The following RGS6 variants were observed in gnomAD, a reference collection of about 807,000 sequenced individuals.
RGS6 encodes regulator of G protein signaling 6, also known as regulator of G-protein signaling 6.
RGS6 carries 30 observed loss-of-function variants against 78.5 expected under a neutral mutation model. The ratio of observed to expected loss-of-function variants is 0.38; its 90% CI spans 0.29 to 0.52. RGS6 has a LOEUF of 0.52. Among genes scored for constraint, RGS6 ranks in the 20% least tolerant of loss-of-function variants. The probability of loss-of-function intolerance (pLI) is 0.85; values close to 1 mark genes in which losing one functional copy is unlikely to be tolerated. For missense variants in RGS6, 495 were observed against 609.7 expected (o/e 0.81, Z 1.98); for synonymous variants, 206 against 206.0 (o/e 1.00, Z 0.00).
intron 2 of RGS6, among the ~76,000 whole-genome samples, chr14:72,313,719 C>T (rs1377564592): frequency 2.0e-5 from 3 of 152,160 alleles, no homozygotes; most frequent in Non-Finnish European, 2.9e-5. Context: ...CATCATGATA[C>T]ATACAAAGGG....
intron 2 of RGS6, among the ~76,000 whole-genome samples, chr14:72,070,808 A>G (rs1258597026): frequency 3.3e-5 from 5 of 152,244 alleles, no homozygotes; most frequent in Admixed American, 2.6e-4. Context: ...GCCCAAGGCA[A>G]AAGCCAGCTT....
chr14:72,259,393 T>A (rs924398482), intron 2 of RGS6, among the ~76,000 whole-genome samples: 2 of 152,170 alleles, frequency 1.3e-5, no homozygotes, highest in African/African-American at 4.8e-5. Flanking sequence ...CTACATTTTA[T>A]TTCCTACTTG....
chr14:72,614,755 T>C, the RGS6 span, among the ~76,000 whole-genome samples: 2 of 111,422 alleles, frequency 1.8e-5, no homozygotes, highest in African/African-American at 7.2e-5. Flanking sequence ...TAATAATCTG[T>C]TGCCCAGGAT....
intron 17 of RGS6, chr14:72,541,638 C>G: frequency 1.3e-6 from 2 of 1,534,548 alleles, no homozygotes; most frequent in Non-Finnish European, 1.7e-6. Context: ...GATCCCATCT[C>G]TCTCTGTTTG....
chr14:72,095,386 A>C (rs1009165155), intron 2 of RGS6, among the ~76,000 whole-genome samples: 1 of 151,988 alleles, frequency 6.6e-6, no homozygotes, highest in East Asian at 1.9e-4. Context: ...TTCAGCCTTT[A>C]TCGTTGGGCT....
chr14:72,363,127 A>C (rs2081806788), intron 3 of RGS6, among the ~76,000 whole-genome samples: 1 of 152,220 alleles, frequency 6.6e-6, no homozygotes, highest in Non-Finnish European at 1.5e-5. Flanking sequence ...TTATAAAGGA[A>C]AGCTGACTTG....
At chr14:72,466,915 AG>A (rs1487716400) in intron 7 of RGS6, among the ~76,000 whole-genome samples, 21 of 152,226 alleles carry the variant, frequency 1.4e-4, no homozygotes, top group Non-Finnish European at 3.1e-4. Flanking sequence ...TTAGTAGCAG[AG>A]GCAGAATCTA....
chr14:71,994,167 G>C (rs1033366706), intron 2 of RGS6, among the ~76,000 whole-genome samples: 1 of 151,948 alleles, frequency 6.6e-6, no homozygotes, highest in Non-Finnish European at 1.5e-5. Context: ...CCTTTCCTTT[G>C]TTTAGCCTGT....
At chr14:72,545,776 A>G (rs17117221) in intron 17 of RGS6, among the ~76,000 whole-genome samples, 7,057 of 152,130 alleles carry the variant, frequency 0.046, 313 homozygotes, top group East Asian at 0.11. Flanking sequence ...GGCCCTGCTC[A>G]GTTGTTCAGG....
chr14:72,034,366 T>A (rs553948444), intron 2 of RGS6, among the ~76,000 whole-genome samples: 4 of 151,410 alleles, frequency 2.6e-5, no homozygotes, highest in Non-Finnish European at 5.9e-5. Flanking sequence ...ATTTTTTGTG[T>A]GTTTTTGTCA....
At chr14:72,068,472 C>T (rs1444913568) in intron 2 of RGS6, among the ~76,000 whole-genome samples, 2 of 148,876 alleles carry the variant, frequency 1.3e-5, no homozygotes, top group Non-Finnish European at 3.0e-5. Flanking sequence ...TCAATATTTC[C>T]TCCGTCTCTC....
At chr14:72,130,258 T>C (rs2096286253) in intron 2 of RGS6, among the ~76,000 whole-genome samples, 1 of 152,216 alleles carries the variant, frequency 6.6e-6, no homozygotes, top group Admixed American at 6.5e-5. Context: ...GACATATCAC[T>C]GTCCTGGTAC....
intron 2 of RGS6, among the ~76,000 whole-genome samples, chr14:72,099,687 G>A (rs1404858209): frequency 6.6e-6 from 1 of 152,178 alleles, no homozygotes; most frequent in Non-Finnish European, 1.5e-5. Context: ...TATTCAGACA[G>A]CTCTGCTGTT....
intron 2 of RGS6, among the ~76,000 whole-genome samples, chr14:72,198,377 A>T (rs1233911247): frequency 6.6e-6 from 1 of 152,240 alleles, no homozygotes; most frequent in Non-Finnish European, 1.5e-5. Context: ...CAAATCTCCA[A>T]CATCTTGCAT....
chr14:72,413,624 T>G (rs2093593259), intron 3 of RGS6, among the ~76,000 whole-genome samples: 1 of 152,340 alleles, frequency 6.6e-6, no homozygotes, highest in East Asian at 1.9e-4. Flanking sequence ...GTTAGCTGGT[T>G]GTTTTGCTCA....
At chr14:72,607,156 C>T in the RGS6 span, among the ~76,000 whole-genome samples, 1 of 152,300 alleles carries the variant, frequency 6.6e-6, no homozygotes, top group East Asian at 1.9e-4. Context: ...CAGAACATGG[C>T]ACATCTACTG....
At chr14:72,323,800 C>CAAAAAAAAAAAAAAAAAAAAAAAAAAAAA (rs58303649) in intron 2 of RGS6, among the ~76,000 whole-genome samples, 1 of 16,794 alleles carries the variant, frequency 6.0e-5, no homozygotes, top group Non-Finnish European at 1.1e-4. Flanking sequence ...GACTCCATCT[C>CAAAAAAAAAAAAAAAAAAAAAAAAAAAAA]AAAAAAAAAA....
At chr14:72,619,428 C>T in the RGS6 span, 236 of 1,499,672 alleles carry the variant, frequency 1.6e-4, no homozygotes, top group Non-Finnish European at 2.1e-4. Context: ...CCCCACCCCA[C>T]TGGCCCTAAC....
chr14:72,458,492 A>G (rs533730295), intron 5 of RGS6, 115 bp downstream of exon 5: 4 of 754,638 alleles, frequency 5.3e-6, no homozygotes, highest in Non-Finnish European at 8.7e-6. Flanking sequence ...CTCACTCCTC[A>G]TCAGCACTGG....
Sources: allele counts gnomAD v4.1 joint callset (sites outside exome capture counted in the v4.1 genomes callset), GRCh38; gene constraint gnomAD v4.1.1; transcripts MANE v1.5; gene names NCBI Gene and HGNC (gene_info 2026-07-23, HGNC 2026-07-21).